The following PABPC4L variants were observed in gnomAD, a reference collection of about 807,000 sequenced individuals.
PABPC4L encodes poly(A) binding protein cytoplasmic 4 like, also known as polyadenylate-binding protein 4-like.
For missense variants in PABPC4L, 452 were observed against 451.4 expected, an observed-to-expected ratio of 1.00 and a Z score of -0.01; for synonymous variants, 169 against 164.1, an observed-to-expected ratio of 1.03 and a Z score of -0.23.
At chr4:134,187,096 G>C in the PABPC4L span, among the ~76,000 whole-genome samples, 1 of 152,048 alleles carries the variant, frequency 6.6e-6, no homozygotes, top group Non-Finnish European at 1.5e-5. Context: ...CTGTCGGTGG[G>C]ACTGTAAACT....
At chr4:134,192,269 T>C (rs1047172169), downstream of PABPC4L, among the ~76,000 whole-genome samples, 3 of 152,004 alleles carry the variant, frequency 2.0e-5, no homozygotes, top group Non-Finnish European at 4.4e-5. Flanking sequence ...AAACAGAAGA[T>C]CATATATTAT....
At chr4:134,057,536 A>G in the PABPC4L span, among the ~76,000 whole-genome samples, 13 of 152,012 alleles carry the variant, frequency 8.6e-5, no homozygotes, top group African/African-American at 3.1e-4. Context: ...CATGATCTCC[A>G]TTGGCACAAC....
At chr4:133,957,191 C>T in the PABPC4L span, among the ~76,000 whole-genome samples, 6 of 152,210 alleles carry the variant, frequency 3.9e-5, no homozygotes, top group African/African-American at 1.2e-4. Context: ...AAATCAAAAG[C>T]GAGGTAATTA....
the PABPC4L span, among the ~76,000 whole-genome samples, chr4:134,159,651 A>C: frequency 6.6e-6 from 1 of 152,152 alleles, no homozygotes; most frequent in African/African-American, 2.4e-5. Context: ...AGCCAGTTTC[A>C]ACATGGGCTG....
chr4:134,189,387 C>G, the PABPC4L span, among the ~76,000 whole-genome samples: 1 of 151,272 alleles, frequency 6.6e-6, no homozygotes, highest in East Asian at 1.9e-4. Context: ...TTTTTGTTGA[C>G]AGGCAGATGT....
chr4:134,108,377 C>G, the PABPC4L span, among the ~76,000 whole-genome samples: 1 of 151,788 alleles, frequency 6.6e-6, no homozygotes, highest in Non-Finnish European at 1.5e-5. Flanking sequence ...ATGTTTGACA[C>G]TGGCAAAAGC....
At chr4:134,044,161 G>T in the PABPC4L span, among the ~76,000 whole-genome samples, 4 of 152,004 alleles carry the variant, frequency 2.6e-5, no homozygotes, top group Non-Finnish European at 5.9e-5. Context: ...GAACTCCTGG[G>T]CTCAAGTGAT....
the PABPC4L span, among the ~76,000 whole-genome samples, chr4:134,008,239 A>T: frequency 5.3e-5 from 8 of 151,842 alleles, no homozygotes; most frequent in Admixed American, 5.3e-4. Flanking sequence ...TTCGAGAAAA[A>T]TTTTGAAAAT....
the PABPC4L span, among the ~76,000 whole-genome samples, chr4:134,131,714 C>CAAAAAAAAAAAAAAAAAAAAA: frequency 1.9e-4 from 2 of 10,670 alleles, 1 homozygote; most frequent in African/African-American, 9.6e-4. Flanking sequence ...CCTGTGAAAC[C>CAAAAAAAAAAAAAAAAAAAAA]AAAAAAAAAA....
the PABPC4L span, among the ~76,000 whole-genome samples, chr4:134,003,397 A>G: frequency 6.6e-6 from 1 of 151,886 alleles, no homozygotes; most frequent in African/African-American, 2.4e-5. Flanking sequence ...TCATCTGTTT[A>G]TGATCTATTA....
the PABPC4L span, among the ~76,000 whole-genome samples, chr4:134,182,480 C>A: frequency 6.6e-6 from 1 of 151,884 alleles, no homozygotes; most frequent in Admixed American, 6.6e-5. Flanking sequence ...ATATGTAAAG[C>A]CCAAAACTAT....
the PABPC4L span, among the ~76,000 whole-genome samples, chr4:134,160,456 G>A: frequency 6.6e-6 from 1 of 152,122 alleles, no homozygotes; most frequent in African/African-American, 2.4e-5. Context: ...ACAGGATTAA[G>A]TCAGAACACT....
At chr4:133,997,322 T>C in the PABPC4L span, among the ~76,000 whole-genome samples, 214 of 152,266 alleles carry the variant, frequency 1.4e-3, 2 homozygotes, top group African/African-American at 4.8e-3. Context: ...AGCCATATTT[T>C]AAATACAAAG....
chr4:133,954,525 G>A, the PABPC4L span, among the ~76,000 whole-genome samples: 54 of 152,040 alleles, frequency 3.6e-4, no homozygotes, highest in African/African-American at 1.2e-3. Context: ...CTTTGTCGGT[G>A]GTTTAAGGGC....
the PABPC4L span, among the ~76,000 whole-genome samples, chr4:134,000,174 C>T: frequency 6.6e-6 from 1 of 152,006 alleles, no homozygotes; most frequent in African/African-American, 2.4e-5. Context: ...AATGAACTCA[C>T]AAGTTAGTGG....
the PABPC4L span, among the ~76,000 whole-genome samples, chr4:134,086,634 C>T: frequency 2.6e-5 from 4 of 152,016 alleles, no homozygotes; most frequent in Non-Finnish European, 5.9e-5. Flanking sequence ...ATATTTTTGG[C>T]CATGCCACCC....
chr4:133,981,609 T>G, the PABPC4L span, among the ~76,000 whole-genome samples: 1 of 152,128 alleles, frequency 6.6e-6, no homozygotes, highest in Non-Finnish European at 1.5e-5. Context: ...TTATTGTTTC[T>G]TTTAGATTAC....
At chr4:134,110,503 G>A in the PABPC4L span, among the ~76,000 whole-genome samples, 1 of 150,662 alleles carries the variant, frequency 6.6e-6, no homozygotes, top group East Asian at 2.0e-4. Flanking sequence ...AAATAGAAAA[G>A]TACAATAAAA....
At chr4:134,003,181 G>C in the PABPC4L span, among the ~76,000 whole-genome samples, 1 of 151,930 alleles carries the variant, frequency 6.6e-6, no homozygotes, top group Non-Finnish European at 1.5e-5. Context: ...AAGTCTCACA[G>C]TGTCCTTAAC....
Sources: allele counts gnomAD v4.1 joint callset (sites outside exome capture counted in the v4.1 genomes callset), GRCh38; gene constraint gnomAD v4.1.1; transcripts MANE v1.5; gene names NCBI Gene and HGNC (gene_info 2026-07-23, HGNC 2026-07-21).